Variants in FSTL4 observed in about 807,000 individuals in gnomAD.
The protein encoded by FSTL4 is follistatin like 4.
FSTL4 carries 28 observed loss-of-function variants against 78.2 expected under a neutral mutation model. The ratio of observed to expected loss-of-function variants is 0.36; its 90% CI spans 0.27 to 0.49. The LOEUF (loss-of-function observed/expected upper bound fraction) is 0.49. FSTL4 is among the 20% of genes least tolerant of loss of function. The pLI is 0.98. For missense variants in FSTL4, 922 were observed against 1,084.9 expected (o/e 0.85, Z 2.11); for synonymous variants, 422 against 440.5 (o/e 0.96, Z 0.53).
At chr5:133,300,152 C>T (rs973639144) in intron 6 of FSTL4, among the ~76,000 whole-genome samples, 3 of 152,144 alleles carry the variant, frequency 2.0e-5, no homozygotes, top group Non-Finnish European at 4.4e-5. Context: ...GGTGGAGGCC[C>T]GGGATGCAGG....
At chr5:133,488,285 C>T (rs1042551256) in intron 3 of FSTL4, among the ~76,000 whole-genome samples, 22 of 152,170 alleles carry the variant, frequency 1.4e-4, no homozygotes, top group Non-Finnish European at 2.9e-4. Context: ...GATGGAGTCT[C>T]ACCCTGTTGC....
At chr5:133,828,456 G>A in the FSTL4 span, among the ~76,000 whole-genome samples, 1 of 152,124 alleles carries the variant, frequency 6.6e-6, no homozygotes, top group Non-Finnish European at 1.5e-5. Context: ...GTGAAAAAGT[G>A]CTATTTTTTA....
At chr5:133,640,202 G>A in the FSTL4 span, among the ~76,000 whole-genome samples, 2 of 152,154 alleles carry the variant, frequency 1.3e-5, no homozygotes, top group South Asian at 4.1e-4. Context: ...ATGCCAACTA[G>A]CAAGATGGCA....
At chr5:133,711,849 G>A in the FSTL4 span, among the ~76,000 whole-genome samples, 2 of 152,140 alleles carry the variant, frequency 1.3e-5, no homozygotes, top group Non-Finnish European at 2.9e-5. Context: ...TGGGCTTAGA[G>A]GAAAAATGGT....
intron 3 of FSTL4, among the ~76,000 whole-genome samples, chr5:133,450,411 G>A (rs1279078552): frequency 6.6e-6 from 1 of 152,232 alleles, no homozygotes; most frequent in African/African-American, 2.4e-5. Context: ...GAGGCTATGG[G>A]CTCCGGCCCT....
chr5:133,268,054 GT>G (rs1752683980), intron 6 of FSTL4, among the ~76,000 whole-genome samples: 2 of 152,178 alleles, frequency 1.3e-5, no homozygotes, highest in African/African-American at 4.8e-5. Flanking sequence ...CAAATAAAAT[GT>G]TAGCTATTAT....
the FSTL4 span, among the ~76,000 whole-genome samples, chr5:133,829,738 T>G: frequency 1.3e-5 from 2 of 152,228 alleles, no homozygotes; most frequent in African/African-American, 4.8e-5. Context: ...ATTCTTCTTA[T>G]GAAGTCTCTT....
chr5:133,720,071 T>G, the FSTL4 span, among the ~76,000 whole-genome samples: 5 of 152,216 alleles, frequency 3.3e-5, no homozygotes, highest in Non-Finnish European at 7.3e-5. Flanking sequence ...GAGATAGGTG[T>G]ATAACAGGCC....
intron 6 of FSTL4, among the ~76,000 whole-genome samples, chr5:133,251,330 C>A (rs1752230144): frequency 6.6e-6 from 1 of 152,194 alleles, no homozygotes; most frequent in Non-Finnish European, 1.5e-5. Context: ...ACGAGGCTCC[C>A]CTGGGCCACG....
At chr5:133,455,469 T>C (rs1757469342) in intron 3 of FSTL4, among the ~76,000 whole-genome samples, 1 of 98,410 alleles carries the variant, frequency 1.0e-5, no homozygotes, top group African/African-American at 4.7e-5. Context: ...AATAAATTTG[T>C]TTTTTAAGCA....
At chr5:133,649,383 G>A in the FSTL4 span, among the ~76,000 whole-genome samples, 1 of 152,204 alleles carries the variant, frequency 6.6e-6, no homozygotes, top group African/African-American at 2.4e-5. Flanking sequence ...ACCAAGGAGT[G>A]TGATCACTGA....
chr5:133,293,501 T>C (rs530133095), intron 6 of FSTL4, among the ~76,000 whole-genome samples: 210 of 152,278 alleles, frequency 1.4e-3, no homozygotes, highest in Middle Eastern at 0.014. Context: ...ATCCATTCCC[T>C]CCTGTGGACA....
chr5:133,818,931 C>CTATATATATATATATATA, the FSTL4 span, among the ~76,000 whole-genome samples: 16,284 of 61,568 alleles, frequency 0.26, 4,587 homozygotes, highest in Middle Eastern at 0.4. Context: ...TTAGAAGATA[C>CTATATATATATATATATA]TATATATATA....
At chr5:133,388,415 T>A (rs946567861) in intron 4 of FSTL4, 1 of 152,202 alleles carries the variant, frequency 6.6e-6, no homozygotes, top group African/African-American at 2.4e-5. Flanking sequence ...ATTGCCTTCT[T>A]GCTTCTTAAT....
At chr5:133,571,605 C>A (rs1760156195) in intron 2 of FSTL4, among the ~76,000 whole-genome samples, 2 of 152,062 alleles carry the variant, frequency 1.3e-5, no homozygotes, top group African/African-American at 4.8e-5. Context: ...CTGTAAAATG[C>A]TCAGGTGATG....
intron 6 of FSTL4, among the ~76,000 whole-genome samples, chr5:133,289,899 G>A (rs148077108): frequency 6.6e-6 from 1 of 152,332 alleles, no homozygotes; most frequent in East Asian, 1.9e-4. Context: ...CAGAAATGAA[G>A]CAATGACTTC....
the FSTL4 span, among the ~76,000 whole-genome samples, chr5:133,665,779 T>C: frequency 2.0e-5 from 3 of 152,332 alleles, no homozygotes; most frequent in South Asian, 6.2e-4. Context: ...TGAGGGTCTC[T>C]TCCCCCTCCT....
chr5:133,461,106 G>C (rs1364181477), intron 3 of FSTL4, among the ~76,000 whole-genome samples: 1 of 152,212 alleles, frequency 6.6e-6, no homozygotes, highest in Non-Finnish European at 1.5e-5. Context: ...CTAGATGACT[G>C]CCTAATGCTA....
At chr5:133,832,530 G>A in the FSTL4 span, among the ~76,000 whole-genome samples, 2 of 152,218 alleles carry the variant, frequency 1.3e-5, no homozygotes, top group Non-Finnish European at 2.9e-5. Flanking sequence ...GTCCAGATTT[G>A]ATTAAGAATT....
Sources: allele counts gnomAD v4.1 joint callset (sites outside exome capture counted in the v4.1 genomes callset), GRCh38; gene constraint gnomAD v4.1.1; transcripts MANE v1.5; gene names NCBI Gene and HGNC (gene_info 2026-07-23, HGNC 2026-07-21).